The following CLIP1 variants were observed in gnomAD, a reference collection of about 807,000 sequenced individuals.
CLIP1 encodes the protein CAP-Gly domain-containing linker protein 1.
In CLIP1, 66 loss-of-function variants were observed where a neutral mutation model predicts 161.6. That is an observed-to-expected ratio of 0.41 (90% CI 0.33 to 0.50). The LOEUF is 0.50. Among genes scored for constraint, CLIP1 ranks in the 20% least tolerant of loss-of-function variants. CLIP1 has a pLI of 0.27. For missense variants in CLIP1, 1,376 were observed against 1,702.0 expected (o/e 0.81, Z 3.37); for synonymous variants, 598 against 626.2 (o/e 0.96, Z 0.67).
At chr12:122,416,210 C>T (rs1444162640) in intron 1 of CLIP1, among the ~76,000 whole-genome samples, 1 of 152,054 alleles carries the variant, frequency 6.6e-6, no homozygotes, top group Non-Finnish European at 1.5e-5. Flanking sequence ...GCTCTCCAGC[C>T]TGGGTGATAG....
chr12:122,340,758 T>C lies in CLIP1; in HGVS notation c.2446A>G (p.Ser816Gly), dbSNP rs1347345332. 6.4e-7 allele frequency: 1 copy of C among 1,571,792 alleles called. No individual in the cohort carries two copies. The highest frequency in any genetic ancestry group is 2.3e-5 in the East Asian group (1 of 44,380). Residue 816 changes from serine to glycine, a missense_variant, in exon 11 of 26, where the codon AGC becomes GGC. Physicochemically the swap from Ser to Gly is moderately conservative, Grantham distance 56. Transcript: ENST00000620786. Reference sequence around the variant, plus strand: ...TGGAGGATGTCAATACAAACCTTGCTACTTTCAGCATTCTTTTCAATCTCT... The same window carrying C: ...TGGAGGATGTCAATACAAACCTTGCCACTTTCAGCATTCTTTTCAATCTCT... The part of the protein sequence containing the change: ...HLEIEKNAES[S>G]KASSITRELQ...
At chr12:122,321,056 A>G (rs1951481817) in intron 17 of CLIP1, among the ~76,000 whole-genome samples, 1 of 149,394 alleles carries the variant, frequency 6.7e-6, no homozygotes, top group African/African-American at 2.5e-5. Context: ...ATAAATAAAT[A>G]AAGTCCTTTA....
At position 122,346,349 on chromosome 12, in the gene CLIP1, A is replaced by G. The variant is rs191804983; in HGVS notation, c.1506+1026T>C. Among the ~76,000 whole-genome samples the G allele has an allele frequency of 1.8e-3, 271 of 152,336 alleles. 1 individual carries two copies. Among genetic ancestry groups the G allele is most frequent in the Non-Finnish European group, 2.7e-3 (187 of 68,032 alleles). On this transcript the variant is annotated intron_variant, in intron 10 of 25. Coordinates refer to ENST00000620786, the MANE Select transcript of CLIP1 (RefSeq NM_001247997.2). ...CAAAGCACTTAGAATAGTGTCTGGC[A>G]TGAAGTATGCACTATATAGGTGCTT... is the stretch of plus-strand genomic sequence containing the variant.
intron 1 of CLIP1, among the ~76,000 whole-genome samples, chr12:122,388,344 C>T (rs1381402832): frequency 1.3e-5 from 2 of 152,158 alleles, no homozygotes; most frequent in Non-Finnish European, 2.9e-5. Context: ...CTCAGCCTCC[C>T]AAGTAGCTGG....
chr12:122,372,108 C>T (rs998688762), intron 3 of CLIP1, among the ~76,000 whole-genome samples: 1 of 151,830 alleles, frequency 6.6e-6, no homozygotes, highest in African/African-American at 2.4e-5. Flanking sequence ...ATGGTGAAAC[C>T]CTGTCTCTAT....
At chr12:122,364,466 C>T (rs1490432220) in intron 3 of CLIP1, among the ~76,000 whole-genome samples, 1 of 151,268 alleles carries the variant, frequency 6.6e-6, no homozygotes. Context: ...TGCAGTGGCA[C>T]CATCATGGCT....
chr12:122,413,874 GA>G (rs111689069), intron 1 of CLIP1, among the ~76,000 whole-genome samples: 11,483 of 135,120 alleles, frequency 0.085, 1,386 homozygotes, highest in African/African-American at 0.28. Flanking sequence ...GAGATTAAAA[GA>G]AAAAAAAAAA....
chr12:122,387,569 T>C (rs1955351907), intron 1 of CLIP1, among the ~76,000 whole-genome samples: 2 of 7,800 alleles, frequency 2.6e-4, no homozygotes, highest in African/African-American at 6.4e-4. Flanking sequence ...TATATATATA[T>C]ATATATATAT....
chr12:122,361,103 T>C lies in CLIP1; in HGVS notation c.861A>G (p.Thr287=), dbSNP rs754740794. ...CTGCGTTGGCCTTGGCTTTGGCTGG[T>C]GTAGTGGAAGGGAAGCCAATCTTGG... The part of the protein sequence containing the change: ...KVTKIGFPST[T]PAKAKANAVR... Residue 287 remains threonine, a synonymous_variant, in exon 5 of 26, where the codon ACA becomes ACG. Coordinates refer to ENST00000620786, the MANE Select transcript of CLIP1 (RefSeq NM_001247997.2). 1 of 1,613,860 alleles carries C rather than the reference T, an allele frequency of 6.2e-7. No homozygotes were observed. The highest frequency in any genetic ancestry group is 8.5e-7 in the Non-Finnish European group (1 of 1,180,026).
intron 1 of CLIP1, among the ~76,000 whole-genome samples, chr12:122,415,126 A>G (rs1956692337): frequency 6.6e-6 from 1 of 152,116 alleles, no homozygotes; most frequent in Non-Finnish European, 1.5e-5. Flanking sequence ...AAGCCTCCCT[A>G]AACAGCTATC....
intron 10 of CLIP1, among the ~76,000 whole-genome samples, chr12:122,346,773 G>C (rs907677064): frequency 6.6e-6 from 1 of 152,208 alleles, no homozygotes; most frequent in Non-Finnish European, 1.5e-5. Context: ...AAAGTGCTGG[G>C]ATAAGAAGCA....
At chr12:122,370,395 C>T (rs1016555766) in intron 3 of CLIP1, among the ~76,000 whole-genome samples, 2 of 152,080 alleles carry the variant, frequency 1.3e-5, no homozygotes, top group Admixed American at 6.6e-5. Context: ...ATCTACAACA[C>T]CTGGAACAAC....
intron 10 of CLIP1, chr12:122,343,455 C>A (rs553474111): frequency 6.6e-6 from 1 of 152,202 alleles, no homozygotes; most frequent in Admixed American, 6.5e-5. Context: ...TATTAAAACA[C>A]AAAGTAAGAA....
chr12:122,275,436 C>CCCTG (rs997820428), intron 24 of CLIP1: 7 of 151,970 alleles, frequency 4.6e-5, no homozygotes, highest in Admixed American at 6.6e-5. Flanking sequence ...CATAGTGATA[C>CCCTG]CCTGTCTCTA....
chr12:122,301,167 A>T (rs1950662607), intron 20 of CLIP1, among the ~76,000 whole-genome samples: 1 of 152,130 alleles, frequency 6.6e-6, no homozygotes, highest in South Asian at 2.1e-4. Flanking sequence ...ATCCTGAATT[A>T]AAAAAACAAT....
intron 1 of CLIP1, among the ~76,000 whole-genome samples, chr12:122,412,138 G>A (rs1956560489): frequency 6.9e-6 from 1 of 144,922 alleles, no homozygotes. Context: ...GCACAATCAT[G>A]GCTTACTGCA....
chr12:122,296,925 G>T (rs1254170709), intron 20 of CLIP1, among the ~76,000 whole-genome samples: 1 of 150,792 alleles, frequency 6.6e-6, no homozygotes, highest in Non-Finnish European at 1.5e-5. Context: ...TGGGAGTACA[G>T]CGTAGACGAG....
chr12:122,336,288 G>C (rs1052634442), intron 12 of CLIP1, among the ~76,000 whole-genome samples: 1 of 152,038 alleles, frequency 6.6e-6, no homozygotes, highest in African/African-American at 2.4e-5. Flanking sequence ...TCAATATGAA[G>C]GGGCCTCATT....
Position 122,377,370 on chromosome 12 carries a change from A to G in CLIP1, c.657+19T>C. The G allele has an allele frequency of 6.3e-7, 1 of 1,595,186 alleles. No individual in the cohort carries two copies. Among genetic ancestry groups the G allele is most frequent in the Non-Finnish European group, 8.6e-7 (1 of 1,167,970 alleles). ...TATCTCAGTTCAATGAAATGACCTCAGAATGTTTCTCTACTCACCAATACT... is the reference window on the plus strand; with the variant it reads ...TATCTCAGTTCAATGAAATGACCTCGGAATGTTTCTCTACTCACCAATACT... On this transcript the variant is annotated intron_variant, in intron 3 of 25. Transcript: ENST00000620786.
Sources: gnomAD v4.1 joint callset for allele counts (sites outside exome capture counted in the v4.1 genomes callset) on GRCh38, gnomAD v4.1.1 for gene constraint, MANE v1.5 for transcripts, NCBI Gene and HGNC (gene_info 2026-07-23, HGNC 2026-07-21) for gene names.